Variants in NEGR1 observed in about 807,000 individuals in gnomAD.
NEGR1 encodes the protein IgLON family member 4.
NEGR1 carries 10 observed loss-of-function variants against 40.9 expected under a neutral mutation model. The observed-to-expected ratio is 0.24, with a 90% CI of 0.15 to 0.42. The LOEUF is 0.42. NEGR1 is among the 10% of genes least tolerant of loss of function. The pLI is 1.00. For missense variants in NEGR1, 352 were observed against 438.9 expected (o/e 0.80, Z 1.77); for synonymous variants, 185 against 166.8 (o/e 1.11, Z -0.84).
At chr1:71,705,592 C>T (rs79506084) in intron 3 of NEGR1, among the ~76,000 whole-genome samples, 11,146 of 152,036 alleles carry the variant, frequency 0.073, 502 homozygotes, top group East Asian at 0.13. Flanking sequence ...TGGTGGTGGG[C>T]GCCTGCAGTC....
At position 71,405,692 on chromosome 1, in the gene NEGR1, A is replaced by G. The variant is rs572835714; in HGVS notation, c.*1754T>C. 2.0e-5 allele frequency: 3 copies of G among 151,630 alleles called. No homozygotes were observed. The highest frequency in any genetic ancestry group is 4.8e-5 in the African/African-American group (2 of 41,330). 9.4% of individuals were successfully genotyped at this position (151,630 alleles called of 1,614,324 possible). On this transcript the variant is annotated 3_prime_UTR_variant, in exon 7 of 7. Transcript: ENST00000357731. ...CTTTGGGACTAAGTTTTACTTGAAGAAAAAAAATCACAGTTTTTAAGCCAT... is the reference window on the plus strand; with the variant it reads ...CTTTGGGACTAAGTTTTACTTGAAGGAAAAAAATCACAGTTTTTAAGCCAT...
chr1:72,248,185 T>C (rs529575637), intron 1 of NEGR1, among the ~76,000 whole-genome samples: 55 of 152,202 alleles, frequency 3.6e-4, no homozygotes, highest in African/African-American at 1.2e-3. Flanking sequence ...GGAACAAACA[T>C]ACAAACTATA....
chr1:71,976,198 T>C (rs1646302504), intron 1 of NEGR1, among the ~76,000 whole-genome samples: 1 of 152,212 alleles, frequency 6.6e-6, no homozygotes, highest in Admixed American at 6.5e-5. Context: ...TTTACATTTT[T>C]TGTTTCTTTC....
Position 72,116,266 on chromosome 1 carries a change from T to A in NEGR1, c.176+166053A>T, listed in dbSNP as rs182398251. On this transcript the variant is annotated intron_variant, in intron 1 of 6. Transcript: ENST00000357731. Reference sequence around the variant, plus strand: ...TTTTAACTTTGTGCATATTAAAAGATACTTAGAAAGTTAAGCCATAAACTT... The same window carrying A: ...TTTTAACTTTGTGCATATTAAAAGAAACTTAGAAAGTTAAGCCATAAACTT... 1.8e-3 allele frequency among the ~76,000 whole-genome samples: 269 copies of A among 151,954 alleles called. 1 individual carries two copies. The highest frequency in any genetic ancestry group is 6.2e-3 in the African/African-American group (258 of 41,528).
At chr1:71,460,492 T>C (rs1489116763) in intron 6 of NEGR1, among the ~76,000 whole-genome samples, 9 of 152,218 alleles carry the variant, frequency 5.9e-5, no homozygotes, top group Non-Finnish European at 7.3e-5. Context: ...ATTTTCTTAA[T>C]CTCTGTAAGC....
intron 1 of NEGR1, among the ~76,000 whole-genome samples, chr1:72,016,600 C>A (rs1646712199): frequency 6.6e-6 from 1 of 152,104 alleles, no homozygotes. Context: ...GGTGTTTGAC[C>A]CTTAAATGCT....
At chr1:72,162,465 C>T (rs1008673680) in intron 1 of NEGR1, among the ~76,000 whole-genome samples, 2 of 151,820 alleles carry the variant, frequency 1.3e-5, no homozygotes, top group Admixed American at 6.6e-5. Flanking sequence ...GCCAAACAAA[C>T]AAACAAACAA....
At chr1:71,423,234 A>T (rs111837716) in intron 6 of NEGR1, among the ~76,000 whole-genome samples, 26 of 152,116 alleles carry the variant, frequency 1.7e-4, no homozygotes, top group Non-Finnish European at 2.9e-4. Context: ...TACAAAAAAT[A>T]AAAAAAATTA....
chr1:71,959,404 A>G (rs184980042), intron 1 of NEGR1, among the ~76,000 whole-genome samples: 2 of 152,284 alleles, frequency 1.3e-5, no homozygotes, highest in East Asian at 1.9e-4. Flanking sequence ...TACAAACCCA[A>G]ATAAATTACA....
intron 3 of NEGR1, among the ~76,000 whole-genome samples, chr1:71,758,082 T>G (rs1031890042): frequency 1.3e-5 from 2 of 151,984 alleles, no homozygotes; most frequent in Non-Finnish European, 2.9e-5. Context: ...CATAGGGAGC[T>G]TAAGAAATAT....
At chr1:71,803,127 G>A (rs1315265022) in intron 2 of NEGR1, among the ~76,000 whole-genome samples, 1 of 152,100 alleles carries the variant, frequency 6.6e-6, no homozygotes, top group Non-Finnish European at 1.5e-5. Context: ...GGGCCTTTAA[G>A]GAGGTAACTA....
chr1:71,705,857 GAGGA>G (rs368065040), intron 3 of NEGR1, among the ~76,000 whole-genome samples: 105 of 151,428 alleles, frequency 6.9e-4, no homozygotes, highest in African/African-American at 1.5e-3. Context: ...GGAAGGAAGA[GAGGA>G]AGGAAGGAAG....
At chr1:71,683,969 A>T (rs978073803) in intron 4 of NEGR1, among the ~76,000 whole-genome samples, 7 of 152,120 alleles carry the variant, frequency 4.6e-5, no homozygotes, top group African/African-American at 1.7e-4. Context: ...CTGTCTGAGG[A>T]TACAAGATTT....
intron 6 of NEGR1, among the ~76,000 whole-genome samples, chr1:71,487,375 A>G (rs934470714): frequency 2.0e-5 from 3 of 151,668 alleles, no homozygotes; most frequent in African/African-American, 7.3e-5. Flanking sequence ...ATCACTCCAG[A>G]GCTCTTTCCT....
intron 1 of NEGR1, among the ~76,000 whole-genome samples, chr1:72,129,306 T>C (rs1307175525): frequency 6.6e-6 from 1 of 152,228 alleles, no homozygotes; most frequent in African/African-American, 2.4e-5. Flanking sequence ...TATTGATTAA[T>C]CTAAAATTTA....
At chr1:72,108,537 C>T (rs527346114) in intron 1 of NEGR1, among the ~76,000 whole-genome samples, 1 of 151,512 alleles carries the variant, frequency 6.6e-6, no homozygotes, top group Middle Eastern at 3.4e-3. Flanking sequence ...TAATTCATTT[C>T]TATTTATATT....
At chr1:71,615,345 G>A (rs189890253) in intron 4 of NEGR1, among the ~76,000 whole-genome samples, 11 of 152,130 alleles carry the variant, frequency 7.2e-5, no homozygotes, top group Non-Finnish European at 1.3e-4. Flanking sequence ...AAACTAAGAC[G>A]AAAACAGAGC....
chr1:71,808,196 A>T (rs1360318986), intron 2 of NEGR1, among the ~76,000 whole-genome samples: 20 of 152,164 alleles, frequency 1.3e-4, no homozygotes, highest in Admixed American at 7.9e-4. Context: ...ATCACTCTGA[A>T]ATCACTTTAA....
chr1:72,004,160 T>C (rs1052718638), intron 1 of NEGR1, among the ~76,000 whole-genome samples: 1 of 151,992 alleles, frequency 6.6e-6, no homozygotes, highest in Non-Finnish European at 1.5e-5. Context: ...ATATATTTAT[T>C]TTCATAATAT....
Sources: gnomAD v4.1 joint callset for allele counts (sites outside exome capture counted in the v4.1 genomes callset) on GRCh38, gnomAD v4.1.1 for gene constraint, MANE v1.5 for transcripts, NCBI Gene and HGNC (gene_info 2026-07-23, HGNC 2026-07-21) for gene names.